The following SLC30A8 variants were observed in gnomAD, a reference collection of about 807,000 sequenced individuals.
SLC30A8 encodes proton-coupled zinc antiporter SLC30A8.
A neutral mutation model predicts 36.9 loss-of-function variants in SLC30A8; 27 were observed. That is an observed-to-expected ratio of 0.73 (90% CI 0.54 to 1.01). The LOEUF is 1.01. Ranked by LOEUF, SLC30A8 falls within the 50% of genes least tolerant of loss-of-function variation. SLC30A8 has a pLI of 0.00. For missense variants in SLC30A8, 439 were observed against 452.0 expected, an observed-to-expected ratio of 0.97 and a Z score of 0.26; for synonymous variants, 164 against 172.4, an observed-to-expected ratio of 0.95 and a Z score of 0.38.
At chr8:117,172,409 T>G in intron 7 of SLC30A8, 127 bp from the exon 8 acceptor site, 1 of 1,245,408 alleles carries the variant, frequency 8.0e-7, no homozygotes, top group South Asian at 1.2e-5. Flanking sequence ...CAAACGTGGC[T>G]TCCTCTGAGT....
At chr8:117,127,357 G>C (rs1163736404) in intron 2 of SLC30A8, among the ~76,000 whole-genome samples, 1 of 151,928 alleles carries the variant, frequency 6.6e-6, no homozygotes, top group Non-Finnish European at 1.5e-5. Context: ...ATAAGCTGCT[G>C]AGTGTTTGTA....
chr8:117,024,032 A>G (rs1367329450), intron 1 of SLC30A8, among the ~76,000 whole-genome samples: 2 of 152,166 alleles, frequency 1.3e-5, no homozygotes, highest in Non-Finnish European at 2.9e-5. Flanking sequence ...TAAAAGCACA[A>G]CCATGATTAA....
intron 2 of SLC30A8, among the ~76,000 whole-genome samples, chr8:117,060,278 A>G (rs1437848341): frequency 6.6e-6 from 1 of 152,152 alleles, no homozygotes; most frequent in African/African-American, 2.4e-5. Context: ...CAGAGTTCAG[A>G]TGCCAAAAGC....
chr8:116,982,430 T>G (rs896067835), intron 1 of SLC30A8, among the ~76,000 whole-genome samples: 1 of 152,190 alleles, frequency 6.6e-6, no homozygotes, highest in African/African-American at 2.4e-5. Context: ...AACAGTGATA[T>G]TCCTACAGCA....
chr8:116,969,291 G>A (rs1390693820), intron 1 of SLC30A8, among the ~76,000 whole-genome samples: 2 of 152,056 alleles, frequency 1.3e-5, no homozygotes, highest in Non-Finnish European at 2.9e-5. Context: ...AATGGTACAC[G>A]CCTATAATCC....
intron 6 of SLC30A8, among the ~76,000 whole-genome samples, chr8:117,167,252 A>G (rs59424882): frequency 0.016 from 2,414 of 152,264 alleles, 60 homozygotes; most frequent in African/African-American, 0.051. Context: ...TCAGCTAGTT[A>G]TAGAAACTGG....
At chr8:117,055,335 T>G (rs1454802087) in intron 2 of SLC30A8, among the ~76,000 whole-genome samples, 1 of 152,220 alleles carries the variant, frequency 6.6e-6, no homozygotes, top group African/African-American at 2.4e-5. Context: ...CTTGGTTATA[T>G]GCTGGTGGAG....
chr8:117,175,946 T>A lies in SLC30A8; in HGVS notation c.*3265T>A, dbSNP rs1464738966. On this transcript the variant is annotated 3_prime_UTR_variant, in exon 8 of 8. Coordinates refer to ENST00000456015, the MANE Select transcript of SLC30A8 (RefSeq NM_173851.3). The stretch of plus-strand genomic sequence containing the variant: ...CTGTCTCTGAAAGCTTCCGCTTTTA[T>A]CTTTGAAGAGCAGAATTGTCACTCC... 6 of 152,076 alleles carry A rather than the reference T, an allele frequency of 3.9e-5. No individual in the cohort carries two copies. Among genetic ancestry groups the A allele is most frequent in the Non-Finnish European group, 7.4e-5 (5 of 67,982 alleles). The allele number at this position is 152,076 out of a possible 1,614,324, so 9.4% of individuals were successfully genotyped here.
intron 1 of SLC30A8, among the ~76,000 whole-genome samples, chr8:117,034,949 C>T (rs547282984): frequency 1.7e-4 from 26 of 152,202 alleles, no homozygotes; most frequent in African/African-American, 6.3e-4. Flanking sequence ...TGAGAACTCA[C>T]TCACTAACAT....
At position 117,001,382 on chromosome 8, in the gene SLC30A8, T is replaced by C. The variant is rs539586789; in HGVS notation, c.-265-37837T>C. 9.1e-4 allele frequency among the ~76,000 whole-genome samples: 138 copies of C among 152,260 alleles called. 1 individual carries two copies. The highest frequency in any genetic ancestry group is 3.2e-3 in the African/African-American group (133 of 41,548). ...AGAAACTAGGTCATTGGTGAAATCA[T>C]TGAGCAGCTGGATCAAGTAGCACCT... On this transcript the variant is annotated intron_variant, in intron 1 of 10. Coordinates refer to the SLC30A8 transcript ENST00000427715.
chr8:117,004,281 A>G (rs1816102970), intron 1 of SLC30A8, among the ~76,000 whole-genome samples: 1 of 152,226 alleles, frequency 6.6e-6, no homozygotes, highest in East Asian at 1.9e-4. Context: ...TCACAAAGTT[A>G]TTGTAGAATA....
intron 2 of SLC30A8, among the ~76,000 whole-genome samples, chr8:117,041,181 A>G (rs760467387): frequency 1.4e-4 from 21 of 152,228 alleles, no homozygotes; most frequent in Non-Finnish European, 2.4e-4. Flanking sequence ...ATGAATCCAC[A>G]GAAAAAATAA....
intron 2 of SLC30A8, among the ~76,000 whole-genome samples, chr8:117,096,070 C>T (rs771316941): frequency 2.0e-5 from 3 of 152,106 alleles, no homozygotes; most frequent in Non-Finnish European, 4.4e-5. Flanking sequence ...CTCACACCAG[C>T]TCTTGTGGCC....
In SLC30A8 at chr8:117,135,400, T is replaced by G. The variant is rs573681084; in HGVS notation, c.71+2T>G. The stretch of plus-strand genomic sequence containing the variant: ...GATGTATGCTTTCACACTAGAAAGG[T>G]AATAGATGTCTGTGTCTGCTTCACA... On this transcript the variant is annotated splice_donor_variant, in intron 1 of 7. Transcript: ENST00000456015. LOFTEE classifies it high-confidence loss of function. 1.3e-6 allele frequency: 2 copies of G among 1,578,300 alleles called. No individual in the cohort carries two copies. The highest frequency in any genetic ancestry group is 1.7e-6 in the Non-Finnish European group (2 of 1,157,904).
chr8:116,982,650 T>C (rs954093421), intron 1 of SLC30A8, among the ~76,000 whole-genome samples: 3 of 152,122 alleles, frequency 2.0e-5, no homozygotes, highest in Non-Finnish European at 4.4e-5. Flanking sequence ...TCAGAATCAA[T>C]TTTTTTCCCT....
chr8:116,957,358 C>T (rs1480674231), intron 1 of SLC30A8, among the ~76,000 whole-genome samples: 1 of 152,086 alleles, frequency 6.6e-6, no homozygotes, highest in African/African-American at 2.4e-5. Flanking sequence ...GCAACCTCCG[C>T]CTCTTGGGTT....
At chr8:117,060,986 T>C (rs1818009596) in intron 2 of SLC30A8, among the ~76,000 whole-genome samples, 1 of 152,222 alleles carries the variant, frequency 6.6e-6, no homozygotes, top group African/African-American at 2.4e-5. Flanking sequence ...AATTGGGGTT[T>C]CTGAGTCTGT....
At chr8:117,110,130 A>C (rs1586533211) in intron 2 of SLC30A8, among the ~76,000 whole-genome samples, 1 of 152,224 alleles carries the variant, frequency 6.6e-6, no homozygotes, top group South Asian at 2.1e-4. Context: ...ATTCAAAAAA[A>C]CCCTCCATAA....
At chr8:116,955,063 G>T (rs1814141902) in intron 1 of SLC30A8, among the ~76,000 whole-genome samples, 2 of 152,190 alleles carry the variant, frequency 1.3e-5, no homozygotes, top group Admixed American at 6.5e-5. Flanking sequence ...AAAATTCAAG[G>T]ATTCAAGGTT....
Sources: allele counts gnomAD v4.1 joint callset (sites outside exome capture counted in the v4.1 genomes callset), GRCh38; gene constraint gnomAD v4.1.1; transcripts MANE v1.5; gene names NCBI Gene and HGNC (gene_info 2026-07-23, HGNC 2026-07-21).